Variants in ARMH3 observed in about 807,000 individuals in gnomAD.
ARMH3 encodes the protein armadillo like helical domain containing 3.
A neutral mutation model predicts 99.1 loss-of-function variants in ARMH3; 60 were observed. That is an observed-to-expected ratio of 0.61 (90% CI 0.49 to 0.75). The LOEUF (loss-of-function observed/expected upper bound fraction) is 0.75, where lower values mean the gene tolerates loss of function less well. ARMH3 is among the 30% of genes least tolerant of loss of function. The pLI is 0.00. For synonymous variants in ARMH3, 285 were observed against 292.8 expected (o/e 0.97, Z 0.27); for missense variants, 679 against 843.1 (o/e 0.81, Z 2.41).
chr10:101,855,332 T>C (rs1401345493), intron 24 of ARMH3, among the ~76,000 whole-genome samples: 1 of 146,870 alleles, frequency 6.8e-6, no homozygotes, highest in Admixed American at 6.8e-5. Context: ...CCTCCCAAAA[T>C]GCTGGGATAC....
intron 24 of ARMH3, among the ~76,000 whole-genome samples, chr10:101,852,851 G>T (rs2066636617): frequency 6.6e-6 from 1 of 151,278 alleles, no homozygotes; most frequent in African/African-American, 2.4e-5. Flanking sequence ...TCCAGACACT[G>T]CCCGTTGCCA....
intron 5 of ARMH3, among the ~76,000 whole-genome samples, chr10:102,027,805 A>T (rs1202973216): frequency 6.6e-6 from 1 of 151,710 alleles, no homozygotes; most frequent in Non-Finnish European, 1.5e-5. Flanking sequence ...ATAATTATAT[A>T]TTAATAACTT....
intron 19 of ARMH3, among the ~76,000 whole-genome samples, chr10:101,982,218 C>CA (rs559411942): frequency 0.029 from 4,108 of 140,432 alleles, 78 homozygotes; most frequent in Non-Finnish European, 0.042. Flanking sequence ...CCATCTCTAC[C>CA]AAAAAAAAAA....
chr10:101,966,462 A>C (rs1321066623), intron 20 of ARMH3, among the ~76,000 whole-genome samples: 1 of 151,614 alleles, frequency 6.6e-6, no homozygotes, highest in African/African-American at 2.4e-5. Flanking sequence ...TTTTTAGTAG[A>C]GACAGGGCTC....
Position 102,014,029 on chromosome 10 carries a change from T to C in ARMH3, c.670-5A>G, listed in dbSNP as rs201685935. ...CACAATATAAGGATTCACAGACTGT[T>C]AAATAAGAGAAGAGACTCCAGGTAA... On this transcript the variant is annotated splice_region_variant and splice_polypyrimidine_tract_variant and intron_variant, in intron 8 of 25. Transcript: ENST00000370033. 97 of 1,607,514 alleles carry C rather than the reference T, an allele frequency of 6.0e-5. No individual in the cohort carries two copies. Among genetic ancestry groups the C allele is most frequent in the Non-Finnish European group, 7.9e-5 (93 of 1,176,402 alleles).
intron 23 of ARMH3, among the ~76,000 whole-genome samples, chr10:101,921,668 A>G (rs973471948): frequency 6.6e-6 from 1 of 152,178 alleles, no homozygotes; most frequent in Non-Finnish European, 1.5e-5. Context: ...GAATAAAATC[A>G]AGTCATTTGC....
intron 24 of ARMH3, among the ~76,000 whole-genome samples, chr10:101,853,900 G>A (rs774926441): frequency 6.6e-6 from 1 of 152,148 alleles, no homozygotes; most frequent in Non-Finnish European, 1.5e-5. Flanking sequence ...GGATCGCGAG[G>A]TTAAGAGTTC....
intron 8 of ARMH3, among the ~76,000 whole-genome samples, chr10:102,016,578 A>G (rs2066754374): frequency 6.6e-6 from 1 of 152,246 alleles, no homozygotes; most frequent in South Asian, 2.1e-4. Flanking sequence ...ACAATGTGTT[A>G]ATTTCTGAGA....
intron 20 of ARMH3, among the ~76,000 whole-genome samples, chr10:101,972,499 C>A (rs1433875372): frequency 6.6e-6 from 1 of 152,166 alleles, no homozygotes; most frequent in Non-Finnish European, 1.5e-5. Flanking sequence ...TCCCTCAAAT[C>A]CATAAGTCTA....
intron 19 of ARMH3, among the ~76,000 whole-genome samples, chr10:101,976,710 T>C (rs2135933464): frequency 6.6e-6 from 1 of 152,284 alleles, no homozygotes; most frequent in African/African-American, 2.4e-5. Context: ...TAATTTAAGA[T>C]ACCAGTCTTA....
intron 23 of ARMH3, among the ~76,000 whole-genome samples, chr10:101,914,478 ACT>A (rs1842994257): frequency 7.1e-6 from 1 of 140,060 alleles, no homozygotes; most frequent in Admixed American, 7.4e-5. Context: ...ACAGAGCGAG[ACT>A]CTGTCTCAAA....
At chr10:101,953,345 C>T (rs777212982) in intron 22 of ARMH3, among the ~76,000 whole-genome samples, 1 of 152,082 alleles carries the variant, frequency 6.6e-6, no homozygotes, top group African/African-American at 2.4e-5. Context: ...TGGCTGGTCT[C>T]GAACTCCTGA....
intron 20 of ARMH3, among the ~76,000 whole-genome samples, chr10:101,966,301 T>G (rs1249580022): frequency 1.5e-5 from 2 of 136,790 alleles, no homozygotes; most frequent in African/African-American, 5.5e-5. Context: ...TTTTTTTTTT[T>G]TTTTTTTTTT....
rs1346102120 is a variant in ARMH3, at chr10:101,846,730, G to C, written c.*798C>G. On this transcript the variant is annotated 3_prime_UTR_variant, in exon 26 of 26. Transcript: ENST00000370033. ...TAATCCCAGCACTTTGGGAGGCCAAGGTGGGTGGATCATGAACTCAGGATA... is the reference window on the plus strand; with the variant it reads ...TAATCCCAGCACTTTGGGAGGCCAACGTGGGTGGATCATGAACTCAGGATA... 2 of 152,248 alleles carry C rather than the reference G, an allele frequency of 1.3e-5. No homozygotes were observed. Among genetic ancestry groups the C allele is most frequent in the Non-Finnish European group, 2.9e-5 (2 of 68,072 alleles). The allele number at this position is 152,248 out of a possible 1,614,324, so 9.4% of individuals were successfully genotyped here.
chr10:101,952,702 G>A lies in ARMH3; in HGVS notation c.1705+3895C>T, dbSNP rs1417281184. ...ACTAAGATACTCTACTTTTGGAGGC[G>A]CCCCTCTTAACCATTTTTAAGCATA... On this transcript the variant is annotated intron_variant, in intron 22 of 25. Transcript: ENST00000370033. 5 of 152,198 alleles carry A rather than the reference G, an allele frequency of 3.3e-5. No homozygotes were observed. In the South Asian group the frequency reaches 8.3e-4, roughly 25 times the overall value. The allele number at this position is 152,198 out of a possible 1,614,324, so 9.4% of individuals were successfully genotyped here. A position where few individuals can be genotyped will look rare whatever the true frequency, so the allele number is the denominator to read the frequency against.
chr10:101,991,379 G>A (rs1056281993), intron 18 of ARMH3, among the ~76,000 whole-genome samples: 1 of 151,986 alleles, frequency 6.6e-6, no homozygotes, highest in South Asian at 2.1e-4. Context: ...AGAAAGGATG[G>A]GAAGAATTTG....
Position 101,846,753 on chromosome 10 carries a change from A to G in ARMH3, c.*775T>C, listed in dbSNP as rs1298795477. 6.6e-6 allele frequency: 1 copy of G among 152,236 alleles called. No homozygotes were observed. Among genetic ancestry groups the G allele is most frequent in the Non-Finnish European group, 1.5e-5 (1 of 68,088 alleles). 9.4% of individuals were successfully genotyped at this position (152,236 alleles called of 1,614,324 possible). ...AAGGTGGGTGGATCATGAACTCAGGATATTGAGACCATCCTGGGTAACATG... is the reference window on the plus strand; with the variant it reads ...AAGGTGGGTGGATCATGAACTCAGGGTATTGAGACCATCCTGGGTAACATG... On this transcript the variant is annotated 3_prime_UTR_variant, in exon 26 of 26. Coordinates refer to ENST00000370033, the MANE Select transcript of ARMH3 (RefSeq NM_024541.3).
At chr10:101,987,473 G>A (rs141073029) in intron 19 of ARMH3, among the ~76,000 whole-genome samples, 23 of 152,232 alleles carry the variant, frequency 1.5e-4, no homozygotes, top group African/African-American at 5.5e-4. Context: ...AACAGCCTCC[G>A]GGGTCAGACA....
At position 101,985,076 on chromosome 10, in the gene ARMH3, TATAC is replaced by T. The variant is rs1436192465; in HGVS notation, c.1406+5471_1406+5474del. ...GAAAGAGACTCCATCTAAAAATATA[TATAC>T]ACACACACACACACACACACACACA... On this transcript the variant is annotated intron_variant, in intron 19 of 25. Transcript: ENST00000370033. 8.6e-3 allele frequency among the ~76,000 whole-genome samples: 1,111 copies of T among 129,098 alleles called. 4 individuals carry two copies. The highest frequency in any genetic ancestry group is 0.012 in the East Asian group (53 of 4,600). The allele number at this position is 129,098 out of a possible 152,430, so 84.7% of individuals were successfully genotyped here. A position where few individuals can be genotyped will look rare whatever the true frequency, so the allele number is the denominator to read the frequency against.
Sources: gnomAD v4.1 joint callset for allele counts (sites outside exome capture counted in the v4.1 genomes callset) on GRCh38, gnomAD v4.1.1 for gene constraint, MANE v1.5 for transcripts, NCBI Gene and HGNC (gene_info 2026-07-23, HGNC 2026-07-21) for gene names.